The following KNL1 variants were observed in gnomAD, a reference collection of about 807,000 sequenced individuals.
KNL1 encodes kinetochore scaffold 1.
In KNL1, 66 loss-of-function variants were observed where a neutral mutation model predicts 201.3. The ratio of observed to expected loss-of-function variants is 0.33; its 90% confidence interval spans 0.27 to 0.40. KNL1 has a LOEUF of 0.40. Ranked by LOEUF, KNL1 falls within the 10% of genes least tolerant of loss-of-function variation. The pLI, the probability that KNL1 is intolerant of heterozygous loss-of-function variation, is 1.00. For synonymous variants in KNL1, 895 were observed against 899.2 expected (o/e 1.00, Z 0.08); for missense variants, 2,815 against 2,690.5 (o/e 1.05, Z -1.02).
At position 40,663,928 on chromosome 15, in the gene KNL1, A is replaced by C. The variant is rs1893983419; in HGVS notation, c.*1740A>C. The C allele has an allele frequency of 5.2e-6, 1 of 191,064 alleles. No individual in the cohort carries two copies. Among genetic ancestry groups the C allele is most frequent in the African/African-American group, 2.3e-5 (1 of 43,044 alleles). The allele number at this position is 191,064 out of a possible 1,614,324, so 11.8% of individuals were successfully genotyped here. On this transcript the variant is annotated 3_prime_UTR_variant, in exon 26 of 26. Transcript: ENST00000399668. ...ACTTCTGAGCTATACGTCAAAAGAC[A>C]CATAAGCTTCAAAAGTCAAGACAAA...
intron 13 of KNL1, among the ~76,000 whole-genome samples, chr15:40,629,728 C>G (rs1451469760): frequency 2.0e-5 from 3 of 151,776 alleles, no homozygotes; most frequent in African/African-American, 4.8e-5. Flanking sequence ...GTCTTGAACT[C>G]CTGACCTCGT....
At chr15:40,657,702 A>G (rs1893775027) in intron 24 of KNL1, among the ~76,000 whole-genome samples, 1 of 152,148 alleles carries the variant, frequency 6.6e-6, no homozygotes, top group Non-Finnish European at 1.5e-5. Context: ...TCATGTTGAC[A>G]TGGTGTCTTT....
rs753183684 is a variant in KNL1, at chr15:40,657,471, T to C, written c.6711T>C (p.Asn2237=). 3.6e-6 allele frequency: 5 copies of C among 1,391,952 alleles called. No individual in the cohort carries two copies. The South Asian group carries it at 5.8e-5, about 16-fold the overall frequency. 86.2% of individuals were successfully genotyped at this position (1,391,952 alleles called of 1,614,324 possible). The change falls in exon 24 of 26, where the codon AAT becomes AAC. Residue 2237 remains asparagine (N), a splice_region_variant and synonymous_variant. Transcript: ENST00000399668. ...TAATGAACATAGATATTAATAATAA[T>C]GAGTAAGTGTATTAGTTCCCAAGGA... The part of the protein sequence containing the change: ...YNLMNIDINN[N]ELRLLFSSSA...
At chr15:40,620,584 T>C in intron 9 of KNL1, 56 bp from the exon 10 acceptor site, 1 of 1,118,200 alleles carries the variant, frequency 8.9e-7, no homozygotes, top group Non-Finnish European at 1.3e-6. Context: ...TGTTGTAAAA[T>C]GCCTTTTTAA....
At chr15:40,615,657 C>A (rs972257615) in intron 8 of KNL1, 3 of 161,488 alleles carry the variant, frequency 1.9e-5, no homozygotes, top group Non-Finnish European at 4.0e-5. Flanking sequence ...GTCCCAGCTA[C>A]TCGGGGCTGA....
chr15:40,600,140 GT>G (rs1247674652), intron 1 of KNL1, among the ~76,000 whole-genome samples: 2 of 142,128 alleles, frequency 1.4e-5, no homozygotes, highest in African/African-American at 2.6e-5. Flanking sequence ...CAGTGGCCCC[GT>G]GTTGGCTCAC....
At chr15:40,612,323 C>CA (rs944062242) in intron 7 of KNL1, among the ~76,000 whole-genome samples, 48 of 143,528 alleles carry the variant, frequency 3.3e-4, no homozygotes, top group East Asian at 2.7e-3. Flanking sequence ...CTCAAAAAAA[C>CA]AAAAAAAACC....
At chr15:40,629,665 G>A (rs1409031706) in intron 13 of KNL1, among the ~76,000 whole-genome samples, 3 of 151,266 alleles carry the variant, frequency 2.0e-5, no homozygotes, top group Admixed American at 6.6e-5. Flanking sequence ...CACCACACCC[G>A]GCTAATTTTT....
chr15:40,603,137 C>T (rs944244554), intron 2 of KNL1, among the ~76,000 whole-genome samples, 171 bp downstream of exon 2: 4 of 151,882 alleles, frequency 2.6e-5, no homozygotes, highest in Non-Finnish European at 4.4e-5. Flanking sequence ...ATGTGCACAA[C>T]GTGCAGGTTT....
chr15:40,642,229 C>T (rs1312992376), intron 14 of KNL1, among the ~76,000 whole-genome samples: 1 of 152,036 alleles, frequency 6.6e-6, no homozygotes, highest in Non-Finnish European at 1.5e-5. Context: ...GAAACCCCGT[C>T]GCTACTAAAA....
chr15:40,653,064 A>T (rs188034146), intron 21 of KNL1, among the ~76,000 whole-genome samples: 13 of 152,248 alleles, frequency 8.5e-5, no homozygotes, highest in African/African-American at 2.9e-4. Flanking sequence ...TCTTTTCTCA[A>T]TGAATAGCGT....
chr15:40,608,716 G>A (rs1234571689), intron 4 of KNL1, 131 bp from the exon 5 acceptor site: 30 of 593,912 alleles, frequency 5.1e-5, no homozygotes, highest in Non-Finnish European at 2.0e-5. Context: ...TTGCACTCCA[G>A]TCTGGGCAAC....
At chr15:40,633,011 A>C (rs1892956587) in intron 13 of KNL1, among the ~76,000 whole-genome samples, 2 of 152,200 alleles carry the variant, frequency 1.3e-5, no homozygotes, top group Non-Finnish European at 2.9e-5. Flanking sequence ...ACAACGGACC[A>C]CATATACACA....
chr15:40,603,936 C>A (rs946448217), intron 2 of KNL1, among the ~76,000 whole-genome samples: 5 of 152,178 alleles, frequency 3.3e-5, no homozygotes, highest in Non-Finnish European at 7.3e-5. Flanking sequence ...ATGGAAAGGG[C>A]AGGTAACTGC....
intron 16 of KNL1, 59 bp downstream of exon 16, chr15:40,645,831 GT>G: frequency 1.1e-6 from 1 of 881,736 alleles, no homozygotes; most frequent in Non-Finnish European, 1.7e-6. Flanking sequence ...CTTTCTAATG[GT>G]TATAGAATAT....
At chr15:40,655,996 T>G (rs559608088) in intron 22 of KNL1, among the ~76,000 whole-genome samples, 1 of 152,318 alleles carries the variant, frequency 6.6e-6, no homozygotes, top group South Asian at 2.1e-4. Flanking sequence ...ATTACTGTTA[T>G]GAGCACTTAG....
In KNL1 at chr15:40,650,701, A is replaced by G. The variant is rs1178017433; in HGVS notation, c.6212+118A>G. 1.5e-5 allele frequency: 13 copies of G among 866,034 alleles called. No homozygotes were observed. In the South Asian group the frequency reaches 2.6e-4, roughly 17 times the overall value. 53.6% of individuals were successfully genotyped at this position (866,034 alleles called of 1,614,324 possible). On this transcript the variant is annotated intron_variant, in intron 19 of 25. Coordinates refer to ENST00000399668, the MANE Select transcript of KNL1 (RefSeq NM_144508.5). ...CATGAGTCTTGATTGAGGCTGACTC[A>G]GGGCTTCTCCACTTTGAATGGAAAC... is the stretch of plus-strand genomic sequence containing the variant.
intron 16 of KNL1, 127 bp from the exon 17 acceptor site, chr15:40,646,856 CAAAA>C (rs146834597): frequency 0.014 from 2,557 of 189,114 alleles, no homozygotes; most frequent in Middle Eastern, 0.02. Context: ...GACTCCGCCT[CAAAA>C]AAAAAAAAAA....
rs768379280 is a variant in KNL1 at position 40,608,947 on chromosome 15, C to T, written c.197+39C>T. ...AGAAATAACTAAAATATTATAGGTACTGGTATTTTGTGTATCAAACCAAAT... is the reference window on the plus strand; with the variant it reads ...AGAAATAACTAAAATATTATAGGTATTGGTATTTTGTGTATCAAACCAAAT... On this transcript the variant is annotated intron_variant, in intron 5 of 25. Coordinates refer to ENST00000399668, the MANE Select transcript of KNL1 (RefSeq NM_144508.5). 6 of 1,411,256 alleles carry T rather than the reference C, an allele frequency of 4.3e-6. No individual in the cohort carries two copies. In the East Asian group the frequency reaches 1.4e-4, roughly 32 times the overall value. 87.4% of individuals were successfully genotyped at this position (1,411,256 alleles called of 1,614,324 possible).
Sources: gnomAD v4.1 joint callset for allele counts (sites outside exome capture counted in the v4.1 genomes callset) on GRCh38, gnomAD v4.1.1 for gene constraint, MANE v1.5 for transcripts, NCBI Gene and HGNC (gene_info 2026-07-23, HGNC 2026-07-21) for gene names.